The following SMAD3 variants were observed in gnomAD, a reference collection of about 807,000 sequenced individuals.
SMAD3 encodes the protein MAD homolog 3.
SMAD3 carries 12 observed loss-of-function variants against 51.8 expected under a neutral mutation model. That is an observed-to-expected ratio of 0.23 (90% CI 0.15 to 0.38). SMAD3 has a LOEUF of 0.38. Ranked by LOEUF, SMAD3 falls within the 10% of genes least tolerant of loss-of-function variation. The pLI, the probability that SMAD3 is intolerant of heterozygous loss-of-function variation, is 1.00. For missense variants in SMAD3, 294 were observed against 565.6 expected, an observed-to-expected ratio of 0.52 and a Z score of 4.87; for synonymous variants, 238 against 227.7, an observed-to-expected ratio of 1.05 and a Z score of -0.41.
At chr15:67,137,909 T>C in intron 1 of SMAD3, 3 of 707,388 alleles carry the variant, frequency 4.2e-6, no homozygotes, top group Non-Finnish European at 7.6e-6. Flanking sequence ...GCCAGGGCTC[T>C]TCTGTTAGCG....
At chr15:67,077,535 C>T (rs539118992) in intron 1 of SMAD3, among the ~76,000 whole-genome samples, 2 of 152,172 alleles carry the variant, frequency 1.3e-5, no homozygotes, top group Non-Finnish European at 2.9e-5. Context: ...AGTTGTGTCT[C>T]TGAACTGCTC....
At chr15:67,183,675 C>T (rs1795000754) in intron 6 of SMAD3, among the ~76,000 whole-genome samples, 1 of 152,178 alleles carries the variant, frequency 6.6e-6, no homozygotes, top group Admixed American at 6.5e-5. Flanking sequence ...AGGAATGGAG[C>T]AGAGACTTTG....
intron 1 of SMAD3, among the ~76,000 whole-genome samples, chr15:67,093,762 G>A (rs563375674): frequency 2.6e-5 from 4 of 152,314 alleles, no homozygotes; most frequent in African/African-American, 4.8e-5. Context: ...GTTGGGAGGC[G>A]GTTACCTGAA....
At chr15:67,107,965 T>TCCCCCCCCCCCCCCCCCCCCCCCCC (rs138958033) in intron 1 of SMAD3, among the ~76,000 whole-genome samples, 4 of 124,718 alleles carry the variant, frequency 3.2e-5, no homozygotes, top group Non-Finnish European at 3.3e-5. Context: ...TGCTCTCCTC[T>TCCCCCCCCCCCCCCCCCCCCCCCCC]CCCCCCCACC....
chr15:67,148,933 AGGAGCTCCTGGCACAGTTG>A (rs1358843602), intron 1 of SMAD3, among the ~76,000 whole-genome samples: 34 of 152,292 alleles, frequency 2.2e-4, no homozygotes, highest in African/African-American at 7.7e-4. Flanking sequence ...CTTTCCCTCA[AGGAGCTCCTGGCACAGTTG>A]GGAAGGGAAG....
chr15:67,194,239 C>G lies in SMAD3; in HGVS notation c.*3703C>G. The G allele has an allele frequency of 4.3e-6, 1 of 233,432 alleles. No homozygotes were observed. The highest frequency in any genetic ancestry group is 6.0e-5 in the East Asian group (1 of 16,732). 14.5% of individuals were successfully genotyped at this position (233,432 alleles called of 1,614,324 possible). A position where few individuals can be genotyped will look rare whatever the true frequency, so the allele number is the denominator to read the frequency against. ...TGGCAAAGATGTTCCCTTGTAGGCC[C>G]CTTTCAGGTAACCGTCTTCACAATG... On this transcript the variant is annotated 3_prime_UTR_variant, in exon 9 of 9. Coordinates refer to ENST00000327367, the MANE Select transcript of SMAD3 (RefSeq NM_005902.4).
chr15:67,157,885 G>A (rs929401853), intron 1 of SMAD3, among the ~76,000 whole-genome samples: 1 of 152,156 alleles, frequency 6.6e-6, no homozygotes, highest in Non-Finnish European at 1.5e-5. Context: ...TGTTCTGCTA[G>A]GGAAGAATAT....
chr15:67,118,597 A>T (rs1237091382), intron 1 of SMAD3, among the ~76,000 whole-genome samples: 1 of 152,214 alleles, frequency 6.6e-6, no homozygotes, highest in African/African-American at 2.4e-5. Flanking sequence ...CTTAGAAAAA[A>T]TGCCTTTCTC....
intron 1 of SMAD3, among the ~76,000 whole-genome samples, chr15:67,104,080 T>C (rs959322017): frequency 2.6e-5 from 4 of 152,152 alleles, no homozygotes; most frequent in African/African-American, 9.7e-5. Context: ...CTGGTTTTGT[T>C]GTGGCAGCGC....
chr15:67,124,362 C>T (rs1566976037), intron 1 of SMAD3, among the ~76,000 whole-genome samples: 1 of 152,076 alleles, frequency 6.6e-6, no homozygotes, highest in Admixed American at 6.6e-5. Flanking sequence ...AGCCATCCAC[C>T]TCTGCAGTTT....
At chr15:67,158,493 C>T (rs1424352747) in intron 1 of SMAD3, among the ~76,000 whole-genome samples, 1 of 152,250 alleles carries the variant, frequency 6.6e-6, no homozygotes, top group Admixed American at 6.5e-5. Context: ...AAAATACTGC[C>T]AAGCCAGACT....
intron 1 of SMAD3, among the ~76,000 whole-genome samples, chr15:67,079,975 A>G (rs1960247798): frequency 6.6e-6 from 1 of 152,244 alleles, no homozygotes; most frequent in Non-Finnish European, 1.5e-5. Flanking sequence ...TCTAGAATCT[A>G]GGGTGACTAC....
intron 1 of SMAD3, among the ~76,000 whole-genome samples, chr15:67,148,949 G>T (rs1304164490): frequency 2.0e-5 from 3 of 152,152 alleles, no homozygotes; most frequent in African/African-American, 7.2e-5. Flanking sequence ...TCCTGGCACA[G>T]TTGGGAAGGG....
chr15:67,134,489 G>C (rs760653089), intron 1 of SMAD3, among the ~76,000 whole-genome samples: 9 of 152,214 alleles, frequency 5.9e-5, no homozygotes, highest in Non-Finnish European at 1.2e-4. Flanking sequence ...GCAGCACTAA[G>C]AAAAGCCACT....
At chr15:67,138,207 CTT>C (rs1257703068) in intron 1 of SMAD3, 1 of 864,042 alleles carries the variant, frequency 1.2e-6, no homozygotes, top group Non-Finnish European at 1.9e-6. Context: ...CCGGGCTTCT[CTT>C]TCTCTGGGTG....
intron 1 of SMAD3, among the ~76,000 whole-genome samples, chr15:67,079,224 C>T (rs1566960987): frequency 6.6e-6 from 1 of 151,990 alleles, no homozygotes; most frequent in Non-Finnish European, 1.5e-5. Flanking sequence ...GTGATCTGCC[C>T]GCGTCAGCCT....
chr15:67,156,945 G>A (rs975445820), intron 1 of SMAD3, among the ~76,000 whole-genome samples: 6 of 152,162 alleles, frequency 3.9e-5, no homozygotes, highest in Non-Finnish European at 8.8e-5. Flanking sequence ...CCAAAGTCAC[G>A]GGACAAGAAA....
intron 1 of SMAD3, among the ~76,000 whole-genome samples, chr15:67,094,864 C>T (rs1025999686): frequency 6.6e-6 from 1 of 152,144 alleles, no homozygotes; most frequent in African/African-American, 2.4e-5. Flanking sequence ...AGTTTTAACC[C>T]AGTCTCTGGG....
intron 5 of SMAD3, chr15:67,174,226 T>C: frequency 6.6e-6 from 1 of 152,522 alleles, no homozygotes; most frequent in Non-Finnish European, 1.5e-5. Flanking sequence ...TCCCATGCAC[T>C]GATCACTGTT....
Sources: allele counts gnomAD v4.1 joint callset (sites outside exome capture counted in the v4.1 genomes callset), GRCh38; gene constraint gnomAD v4.1.1; transcripts MANE v1.5; gene names NCBI Gene and HGNC (gene_info 2026-07-23, HGNC 2026-07-21).